The following ATP2A3 variants were observed in gnomAD, a reference collection of about 807,000 sequenced individuals.
ATP2A3 encodes the protein ATPase sarcoplasmic/endoplasmic reticulum Ca2+ transporting 3.
ATP2A3 carries 61 observed loss-of-function variants against 106.8 expected under a neutral mutation model. That is an observed-to-expected ratio of 0.57 (90% CI 0.46 to 0.71). The LOEUF is 0.71. Ranked by LOEUF, ATP2A3 falls within the 30% of genes least tolerant of loss-of-function variation. The probability of loss-of-function intolerance (pLI) is 0.00; values close to 1 mark genes in which losing one functional copy is unlikely to be tolerated. For synonymous variants in ATP2A3, 611 were observed against 609.3 expected (o/e 1.00, Z -0.04); for missense variants, 1,201 against 1,423.5 (o/e 0.84, Z 2.52).
chr17:3,945,003 C>G, intron 9 of ATP2A3, 57 bp downstream of exon 9: 1 of 1,384,494 alleles, frequency 7.2e-7, no homozygotes, highest in African/African-American at 1.6e-5. Context: ...TCGGCGCCGC[C>G]ACGCGTGGCC....
chr17:3,947,432 T>C lies in ATP2A3; in HGVS notation c.1054A>G (p.Lys352Glu). ...LGCTSVICSD[K>E]TGTLTTNQMS... ...TGATTGGTGGTGAGCGTGCCCGTCT[T>C]GTCGGAGCAGATGACTGAGGTGCAG... Residue 352 changes from lysine to glutamate, a missense_variant, in exon 8 of 21, where the codon AAG becomes GAG. Lys to Glu is a moderately conservative substitution (Grantham distance 56). Transcript: ENST00000397041. This position sits in a 1 kb window ranked among gnomAD's most constrained non-coding sequence, Gnocchi z 7.7. 6.2e-7 allele frequency: 1 copy of C among 1,613,608 alleles called. No homozygotes were observed. The highest frequency in any genetic ancestry group is 8.5e-7 in the Non-Finnish European group (1 of 1,179,886).
In ATP2A3 at chr17:3,953,736, G is replaced by A. The variant is rs1335525675; in HGVS notation, c.119-26C>T. 4.5e-6 allele frequency: 7 copies of A among 1,568,520 alleles called. No homozygotes were observed. The East Asian group carries it at 1.4e-4, about 32-fold the overall frequency. The stretch of plus-strand genomic sequence containing the variant: ...CTGCAGGATCCAGGCAGCCACGGGA[G>A]CCATGAGGAGACAAGAGAGGAGTGG... On this transcript the variant is annotated intron_variant, in intron 1 of 20. Coordinates refer to ENST00000397041, the MANE Select transcript of ATP2A3 (RefSeq NM_005173.4). The surrounding 1 kb of genome is among the most constrained non-coding windows in gnomAD (Gnocchi z 5.1).
In ATP2A3 at chr17:3,928,980, G is replaced by A. The variant is rs967544147; in HGVS notation, c.2863-200C>T. On this transcript the variant is annotated intron_variant, in intron 19 of 20. Transcript: ENST00000397041. This position sits in a 1 kb window ranked among gnomAD's most constrained non-coding sequence, Gnocchi z 6.1. ...TGTTCAGCTGCACCCCCCAATCTTT[G>A]TCCGCTCAGCTTCCTCTGCCTCAAG... Among the ~76,000 whole-genome samples, 1 of 149,062 alleles carries A rather than the reference G, an allele frequency of 6.7e-6. No individual in the cohort carries two copies. The highest frequency in any genetic ancestry group is 2.5e-5 in the African/African-American group (1 of 40,044).
rs564827444 is a variant in ATP2A3, at chr17:3,925,741, G to A, written c.2981-300C>T. Among the ~76,000 whole-genome samples, 1 of 151,852 alleles carries A rather than the reference G, an allele frequency of 6.6e-6. No homozygotes were observed. On this transcript the variant is annotated intron_variant, in intron 20 of 20. Transcript: ENST00000397041. This position sits in a 1 kb window ranked among gnomAD's most constrained non-coding sequence, Gnocchi z 4.2. The stretch of plus-strand genomic sequence containing the variant: ...GGGAATCACCACCCATTATCGTAAG[G>A]TTCAGACACCAGGCTCATCCTTGCT...
chr17:3,963,870 G>T (rs1395311417), intron 1 of ATP2A3, among the ~76,000 whole-genome samples: 1 of 152,120 alleles, frequency 6.6e-6, no homozygotes, highest in African/African-American at 2.4e-5. Flanking sequence ...GTCCAGGATG[G>T]GGTGGAATAA....
Position 3,936,715 on chromosome 17 carries a change from G to T in ATP2A3, c.2322-246C>A, listed in dbSNP as rs1352770276. On this transcript the variant is annotated intron_variant, in intron 15 of 20. Transcript: ENST00000397041. This position sits in a 1 kb window ranked among gnomAD's most constrained non-coding sequence, Gnocchi z 5.4. ...TACCTGCTCTTTAGGCCTAGCAGAG[G>T]CCAAGTACACACACACACACACACA... 9 of 505,394 alleles carry T rather than the reference G, an allele frequency of 1.8e-5. No homozygotes were observed. The highest frequency in any genetic ancestry group is 4.3e-5 in the African/African-American group (2 of 46,892). 31.3% of individuals were successfully genotyped at this position (505,394 alleles called of 1,614,324 possible). A position where few individuals can be genotyped will look rare whatever the true frequency, so the allele number is the denominator to read the frequency against.
chr17:3,935,535 C>CTT (rs10668980), intron 16 of ATP2A3, among the ~76,000 whole-genome samples: 27,072 of 113,872 alleles, frequency 0.24, 3,945 homozygotes, highest in East Asian at 0.46. Flanking sequence ...CCTGTTGAGA[C>CTT]TTTTTTTTTT....
chr17:3,948,682 G>A lies in ATP2A3; in HGVS notation c.631-827C>T, dbSNP rs530987522. 4.9e-4 allele frequency among the ~76,000 whole-genome samples: 74 copies of A among 152,234 alleles called. 3 individuals are homozygous for A. Among genetic ancestry groups the A allele is most frequent in the African/African-American group, 1.6e-3 (67 of 41,560 alleles). ...GATCCTCCTGCTTTGGCCTCCCAAA[G>A]TGCTGGGATTATAGGCATGAGCTAC... is the stretch of plus-strand genomic sequence containing the variant. On this transcript the variant is annotated intron_variant, in intron 7 of 20. Coordinates refer to ENST00000397041, the MANE Select transcript of ATP2A3 (RefSeq NM_005173.4).
chr17:3,950,435 A>G, intron 7 of ATP2A3, 76 bp downstream of exon 7: 1 of 1,519,680 alleles, frequency 6.6e-7, no homozygotes, highest in Non-Finnish European at 9.1e-7. Context: ...AAGTGCTGGG[A>G]TTACAGGCGT....
chr17:3,938,930 G>A (rs978343707), intron 14 of ATP2A3, among the ~76,000 whole-genome samples: 8 of 147,708 alleles, frequency 5.4e-5, no homozygotes, highest in Non-Finnish European at 1.2e-4. Context: ...CACTTTAGGA[G>A]GCCAAGGCAG....
In ATP2A3 at chr17:3,953,457, G is replaced by A; in HGVS notation, c.137-28C>T. ...GGGAACGGGGGTCATGTGTGAGGCT[G>A]GGCCCCCACCACTGACCCTGCCCAC... On this transcript the variant is annotated intron_variant, in intron 2 of 20. Transcript: ENST00000397041. The surrounding 1 kb of genome is among the most constrained non-coding windows in gnomAD (Gnocchi z 5.1). 6.2e-7 allele frequency: 1 copy of A among 1,609,148 alleles called. No homozygotes were observed. The highest frequency in any genetic ancestry group is 8.5e-7 in the Non-Finnish European group (1 of 1,175,880).
intron 1 of ATP2A3, among the ~76,000 whole-genome samples, chr17:3,958,775 C>CACATATGTAT (rs1443357554): frequency 7.6e-6 from 1 of 132,334 alleles, no homozygotes; most frequent in Admixed American, 7.7e-5. Flanking sequence ...CATATATATA[C>CACATATGTAT]ACACACATAT....
At chr17:3,961,451 C>T (rs976010018) in intron 1 of ATP2A3, among the ~76,000 whole-genome samples, 7 of 144,602 alleles carry the variant, frequency 4.8e-5, no homozygotes, top group African/African-American at 1.5e-4. Flanking sequence ...CCCTGGCTAG[C>T]GTGCTCACTG....
intron 17 of ATP2A3, among the ~76,000 whole-genome samples, chr17:3,933,080 G>C (rs1429214746): frequency 6.6e-6 from 1 of 151,502 alleles, no homozygotes; most frequent in African/African-American, 2.4e-5. Context: ...TCAGGAGTTC[G>C]AGACCAGCCT....
In ATP2A3 at chr17:3,953,829, G is replaced by C; in HGVS notation, c.119-119C>G. 1 of 1,098,272 alleles carries C rather than the reference G, an allele frequency of 9.1e-7. No homozygotes were observed. Among genetic ancestry groups the C allele is most frequent in the South Asian group, 1.3e-5 (1 of 74,592 alleles). The allele number at this position is 1,098,272 out of a possible 1,614,324, so 68.0% of individuals were successfully genotyped here. A position where few individuals can be genotyped will look rare whatever the true frequency, so the allele number is the denominator to read the frequency against. On this transcript the variant is annotated intron_variant, in intron 1 of 20. Coordinates refer to ENST00000397041, the MANE Select transcript of ATP2A3 (RefSeq NM_005173.4). The surrounding 1 kb of genome is among the most constrained non-coding windows in gnomAD (Gnocchi z 5.1). Reference sequence around the variant, plus strand: ...CGTGCCCGCCCAGACCCCCACCACGGACTGGATGTATCCCCAGGGCTCTCT... The same window carrying C: ...CGTGCCCGCCCAGACCCCCACCACGCACTGGATGTATCCCCAGGGCTCTCT...
At chr17:3,958,803 C>CACACACACACATATATAT (rs1360510865) in intron 1 of ATP2A3, among the ~76,000 whole-genome samples, 30,870 of 111,942 alleles carry the variant, frequency 0.28, 6,715 homozygotes, top group African/African-American at 0.42. Context: ...CATATATATA[C>CACACACACACATATATAT]ACACATATAT....
chr17:3,926,684 C>G lies in ATP2A3; in HGVS notation c.2981-1243G>C, dbSNP rs1299289568. ...TCCCAGGTTCAAGTGATTCTCCTGC[C>G]TCAGCCTCCCGAGTAGCTGGGATTA... On this transcript the variant is annotated intron_variant, in intron 20 of 20. Coordinates refer to ENST00000397041, the MANE Select transcript of ATP2A3 (RefSeq NM_005173.4). This position sits in a 1 kb window ranked among gnomAD's most constrained non-coding sequence, Gnocchi z 4.6. 1 of 197,520 alleles carries G rather than the reference C, an allele frequency of 5.1e-6. No homozygotes were observed. Among genetic ancestry groups the G allele is most frequent in the African/African-American group, 2.4e-5 (1 of 42,112 alleles). 12.2% of individuals were successfully genotyped at this position (197,520 alleles called of 1,614,324 possible).
intron 1 of ATP2A3, among the ~76,000 whole-genome samples, chr17:3,959,489 G>A (rs928065223): frequency 6.6e-6 from 1 of 152,210 alleles, no homozygotes; most frequent in East Asian, 1.9e-4. Flanking sequence ...CCAGAGCCAG[G>A]GAGAAGGGGG....
In ATP2A3 at chr17:3,929,078, G is replaced by A. The variant is rs2052889683; in HGVS notation, c.2862+250C>T. Among the ~76,000 whole-genome samples the A allele has an allele frequency of 6.6e-6, 1 of 152,134 alleles. No homozygotes were observed. The highest frequency in any genetic ancestry group is 2.1e-4 in the South Asian group (1 of 4,832). On this transcript the variant is annotated intron_variant, in intron 19 of 20. Transcript: ENST00000397041. The surrounding 1 kb of genome is among the most constrained non-coding windows in gnomAD (Gnocchi z 4.3). ...TGGGAGGCGGGAGGATTCTGCCCTG[G>A]GAAAGCTCGTCCTTCCTCCCACCCC...
Sources: gnomAD v4.1 joint callset for allele counts (sites outside exome capture counted in the v4.1 genomes callset) on GRCh38, gnomAD v4.1.1 for gene constraint, Gnocchi (gnomAD v3.1) non-coding constraint, MANE v1.5 for transcripts, NCBI Gene and HGNC (gene_info 2026-07-23, HGNC 2026-07-21) for gene names.